The following PTER variants were observed in gnomAD, a reference collection of about 807,000 sequenced individuals.
The protein encoded by PTER is N-acetyltaurine hydrolase.
Under a neutral mutation model 29.6 loss-of-function variants are expected in PTER, and 38 were observed. The observed-to-expected ratio is 1.28, with a 90% CI of 0.99 to 1.68. PTER has a LOEUF of 1.68. Among genes scored for constraint, PTER ranks in the 40% most tolerant of loss-of-function variants. The pLI is 0.00. For missense variants in PTER, 482 were observed against 427.8 expected, an observed-to-expected ratio of 1.13 and a Z score of -1.12; for synonymous variants, 172 against 154.5, an observed-to-expected ratio of 1.11 and a Z score of -0.84.
In PTER at chr10:16,484,672, G is replaced by A. The variant is rs1330911707; in HGVS notation, c.288G>A (p.Val96=). ...YFKANGGGAL[V]ENTTTGISRD... Reference sequence around the variant, plus strand: ...AAGCTAATGGTGGAGGGGCTTTGGTGGAAAACACAACCACTGGGATTAGCC... The same window carrying A: ...AAGCTAATGGTGGAGGGGCTTTGGTAGAAAACACAACCACTGGGATTAGCC... Residue 96 remains valine (V), a synonymous_variant, in exon 2 of 5, where the codon GTG becomes GTA. Transcript: ENST00000535784. 3.1e-6 allele frequency: 5 copies of A among 1,614,150 alleles called. No individual in the cohort carries two copies. The highest frequency in any genetic ancestry group is 4.2e-6 in the Non-Finnish European group (5 of 1,180,012).
At chr10:16,478,328 C>T (rs904684458) in intron 1 of PTER, among the ~76,000 whole-genome samples, 8 of 138,188 alleles carry the variant, frequency 5.8e-5, no homozygotes, top group African/African-American at 1.4e-4. Flanking sequence ...TTTCCTCCCT[C>T]GTTTCCGTTT....
At chr10:16,468,902 G>A (rs188406276) in intron 1 of PTER, among the ~76,000 whole-genome samples, 1 of 152,074 alleles carries the variant, frequency 6.6e-6, no homozygotes, top group African/African-American at 2.4e-5. Flanking sequence ...TTGAGCCCAG[G>A]AGTTTGAGGC....
At position 16,484,339 on chromosome 10, in the gene PTER, A is replaced by G; in HGVS notation, c.-46A>G. The G allele has an allele frequency of 2.0e-6, 3 of 1,490,356 alleles. No homozygotes were observed. The highest frequency in any genetic ancestry group is 2.7e-6 in the Non-Finnish European group (3 of 1,107,230). 92.3% of individuals were successfully genotyped at this position (1,490,356 alleles called of 1,614,324 possible). ...TTTGTTTGTTTGTTTGTTTTTAGAA[A>G]AAAGAAATCCTCTTTTTAGAACATC... On this transcript the variant is annotated splice_region_variant and 5_prime_UTR_variant, in exon 2 of 5. Transcript: ENST00000535784.
chr10:16,489,270 G>T (rs55926215), intron 3 of PTER, among the ~76,000 whole-genome samples: 33,785 of 151,966 alleles, frequency 0.22, 3,863 homozygotes, highest in Middle Eastern at 0.35. Context: ...GTTCTAGTTG[G>T]TTACTTTTCA....
intron 3 of PTER, among the ~76,000 whole-genome samples, chr10:16,488,258 C>T (rs1350514909): frequency 2.0e-5 from 3 of 152,074 alleles, no homozygotes; most frequent in African/African-American, 7.2e-5. Context: ...ACTCTTTGGA[C>T]CCAGTGAGAA....
At chr10:16,510,288 A>G (rs1237776882) in intron 4 of PTER, among the ~76,000 whole-genome samples, 1 of 152,210 alleles carries the variant, frequency 6.6e-6, no homozygotes, top group Non-Finnish European at 1.5e-5. Flanking sequence ...ATTTTTAGAG[A>G]ATAGTCAGGA....
chr10:16,455,664 C>A (rs965147653), intron 1 of PTER, among the ~76,000 whole-genome samples: 3 of 152,144 alleles, frequency 2.0e-5, no homozygotes, highest in African/African-American at 7.2e-5. Flanking sequence ...GCACTCTAGC[C>A]TGGGCAACAG....
chr10:16,495,403 C>G (rs1836057892), intron 3 of PTER, among the ~76,000 whole-genome samples: 1 of 152,192 alleles, frequency 6.6e-6, no homozygotes, highest in East Asian at 1.9e-4. Context: ...CTATCGACCT[C>G]AAGTGATCCA....
At chr10:16,445,105 TA>T (rs886143379) in intron 1 of PTER, among the ~76,000 whole-genome samples, 1 of 152,202 alleles carries the variant, frequency 6.6e-6, no homozygotes, top group African/African-American at 2.4e-5. Context: ...AGTTATTTTT[TA>T]AAAAGGAGAA....
chr10:16,490,562 C>G (rs796559080), intron 3 of PTER, among the ~76,000 whole-genome samples: 19 of 152,084 alleles, frequency 1.2e-4, no homozygotes, highest in African/African-American at 4.3e-4. Context: ...CTCTTGTTGT[C>G]TCTGTCCCGC....
downstream of PTER, chr10:16,514,561 G>A: frequency 6.2e-7 from 1 of 1,613,722 alleles, no homozygotes; most frequent in Non-Finnish European, 8.5e-7. Flanking sequence ...CAGAAAACGT[G>A]CTGTATTTGT....
intron 1 of PTER, among the ~76,000 whole-genome samples, chr10:16,459,142 T>C (rs1037001326): frequency 2.6e-5 from 4 of 152,208 alleles, no homozygotes; most frequent in Non-Finnish European, 4.4e-5. Flanking sequence ...AAATTTGCAT[T>C]CTACAACACT....
Position 16,466,054 on chromosome 10 carries a change from A to G in PTER, c.-48-18283A>G, listed in dbSNP as rs147221971. Among the ~76,000 whole-genome samples the G allele has an allele frequency of 4.0e-3, 603 of 152,300 alleles. 4 individuals are homozygous for G. The highest frequency in any genetic ancestry group is 0.013 in the African/African-American group (543 of 41,574). On this transcript the variant is annotated intron_variant, in intron 1 of 4. Coordinates refer to ENST00000535784, the MANE Select transcript of PTER (RefSeq NM_001261836.2). ...AGATGAGATTTGGGTGGGGACGTGA[A>G]GCCAAACCATATCACTGTTATAGCT...
chr10:16,456,945 C>A (rs948081279), intron 1 of PTER, among the ~76,000 whole-genome samples: 1 of 151,874 alleles, frequency 6.6e-6, no homozygotes, highest in Non-Finnish European at 1.5e-5. Flanking sequence ...TTTCCACTTT[C>A]ACTTGGCTCT....
intron 1 of PTER, among the ~76,000 whole-genome samples, chr10:16,453,021 A>G (rs912748422): frequency 2.4e-4 from 36 of 152,198 alleles, no homozygotes; most frequent in African/African-American, 8.7e-4. Flanking sequence ...AATTACTGGG[A>G]TTACAGGCGT....
At chr10:16,439,189 G>A (rs767121996) in intron 1 of PTER, among the ~76,000 whole-genome samples, 11 of 152,074 alleles carry the variant, frequency 7.2e-5, no homozygotes, top group South Asian at 2.1e-4. Flanking sequence ...GGTCAGTAGC[G>A]GAGTATCCAG....
chr10:16,458,810 A>G (rs894974339), intron 1 of PTER, among the ~76,000 whole-genome samples: 3 of 152,104 alleles, frequency 2.0e-5, no homozygotes, highest in East Asian at 3.9e-4. Context: ...CCAAGACACA[A>G]GAAGCGTGAG....
intron 3 of PTER, among the ~76,000 whole-genome samples, chr10:16,500,971 A>G (rs966580513): frequency 1.3e-5 from 2 of 151,898 alleles, no homozygotes; most frequent in South Asian, 2.1e-4. Context: ...TCACTCTGTC[A>G]CCCAAGCTGG....
At chr10:16,486,694 C>T (rs1401284968) in intron 3 of PTER, 77 bp downstream of exon 3, 10 of 1,447,360 alleles carry the variant, frequency 6.9e-6, no homozygotes, top group Non-Finnish European at 9.3e-6. Flanking sequence ...CTACAGTAAT[C>T]AGTCAATGCA....
Sources: allele counts gnomAD v4.1 joint callset (sites outside exome capture counted in the v4.1 genomes callset), GRCh38; gene constraint gnomAD v4.1.1; transcripts MANE v1.5; gene names NCBI Gene and HGNC (gene_info 2026-07-23, HGNC 2026-07-21).